Variants in ANKRD53 observed in about 807,000 individuals in gnomAD.
ANKRD53 encodes ankyrin repeat domain-containing protein 53.
Under a neutral mutation model 30.1 loss-of-function variants are expected in ANKRD53, and 27 were observed. That is an observed-to-expected ratio of 0.90 (90% CI 0.66 to 1.24). ANKRD53 has a LOEUF of 1.24. ANKRD53 is among the 50% of genes most tolerant of loss of function. ANKRD53 has a pLI of 0.00. For synonymous variants in ANKRD53, 286 were observed against 295.4 expected (o/e 0.97, Z 0.33); for missense variants, 682 against 721.0 (o/e 0.95, Z 0.62).
intron 1 of ANKRD53, 62 bp from the exon 2 acceptor site, chr2:70,979,035 C>T: frequency 6.7e-7 from 1 of 1,484,860 alleles, no homozygotes; most frequent in Non-Finnish European, 8.9e-7. Context: ...GGCCAGGGAT[C>T]GCCTCCCGAG....
At chr2:70,984,214 G>A (rs1553424187) in intron 5 of ANKRD53, 5 of 1,614,204 alleles carry the variant, frequency 3.1e-6, no homozygotes, top group South Asian at 1.1e-5. Context: ...CTATCAGACT[G>A]TGGATTCCTT....
chr2:70,983,853 A>G (rs549637944), intron 5 of ANKRD53, among the ~76,000 whole-genome samples: 2 of 152,324 alleles, frequency 1.3e-5, no homozygotes, highest in African/African-American at 4.8e-5. Flanking sequence ...GCTTAGCCCA[A>G]TCAGAGCCTG....
Position 70,979,676 on chromosome 2 carries a change from C to A in ANKRD53, c.433C>A (p.His145Asn). 6.2e-7 allele frequency: 1 copy of A among 1,613,770 alleles called. No individual in the cohort carries two copies. The highest frequency in any genetic ancestry group is 2.2e-5 in the East Asian group (1 of 44,858). ...PTDDKGFTAI[H>N]FAAQWGKLAC... ...AACCTCACAGGGCTTCACTGCCATC[C>A]ACTTCGCCGCCCAATGGGGCAAGCT... The change falls in exon 3 of 6, where the codon CAC (histidine) becomes AAC (asparagine). Residue 145 changes from histidine to asparagine, a missense_variant. Physicochemically the swap from His to Asn is moderately conservative, Grantham distance 68 (BLOSUM62 1). Coordinates refer to ENST00000360589, the MANE Select transcript of ANKRD53 (RefSeq NM_001115116.2).
At chr2:70,984,348 G>A in intron 5 of ANKRD53, 2 of 1,600,848 alleles carry the variant, frequency 1.2e-6, no homozygotes, top group African/African-American at 2.7e-5. Flanking sequence ...TCAGATTGGA[G>A]ATCCCCCCTT....
chr2:70,978,767 A>G lies in ANKRD53; in HGVS notation c.122A>G (p.Lys41Arg), dbSNP rs1295349220. 5.7e-6 allele frequency: 9 copies of G among 1,570,894 alleles called. No individual in the cohort carries two copies. The highest frequency in any genetic ancestry group is 7.8e-6 in the Non-Finnish European group (9 of 1,158,814). ...TPSGSMQQAN[K>R]VSLKATWTDA... ...AGTGGCTCCATGCAGCAGGCGAACA[A>G]AGTCTCCTTGAAGGCCACCTGGACT... Residue 41 changes from lysine to arginine, a missense_variant, in exon 1 of 6, where the codon AAA becomes AGA. Lys to Arg is a conservative substitution (Grantham distance 26, BLOSUM62 2). Coordinates refer to ENST00000360589, the MANE Select transcript of ANKRD53 (RefSeq NM_001115116.2). The surrounding 1 kb of genome is among the most constrained non-coding windows in gnomAD (Gnocchi z 4.3).
rs1553422835 is a variant in ANKRD53, at chr2:70,978,752, T to C, written c.107T>C (p.Met36Thr). The change falls in exon 1 of 6, where the codon ATG becomes ACG. Residue 36 changes from methionine to threonine, a missense_variant. Met to Thr is a moderately conservative substitution (Grantham distance 81, BLOSUM62 -1). Transcript: ENST00000360589. The surrounding 1 kb of genome is among the most constrained non-coding windows in gnomAD (Gnocchi z 4.3). ...CCGCAGCCAACTCCAAGTGGCTCCA[T>C]GCAGCAGGCGAACAAAGTCTCCTTG... is the stretch of plus-strand genomic sequence containing the variant. ...ARPQPTPSGS[M>T]QQANKVSLKA... The C allele has an allele frequency of 1.5e-5, 24 of 1,566,638 alleles. No homozygotes were observed. The highest frequency in any genetic ancestry group is 4.7e-5 in the South Asian group (4 of 85,128).
Position 70,982,325 on chromosome 2 carries a change from C to A in ANKRD53, c.782+225C>A. On this transcript the variant is annotated intron_variant, in intron 4 of 5. Transcript: ENST00000360589. The surrounding 1 kb of genome is among the most constrained non-coding windows in gnomAD (Gnocchi z 4.2). ...CCTGCTCTCTGGGTTGATCACTGCCCTCCTTTCCTGCCCTGGGGCCCCTGG... is the reference window on the plus strand; with the variant it reads ...CCTGCTCTCTGGGTTGATCACTGCCATCCTTTCCTGCCCTGGGGCCCCTGG... 2 of 732,926 alleles carry A rather than the reference C, an allele frequency of 2.7e-6. No individual in the cohort carries two copies. The highest frequency in any genetic ancestry group is 4.3e-6 in the Non-Finnish European group (2 of 464,992). The allele number at this position is 732,926 out of a possible 1,614,324, so 45.4% of individuals were successfully genotyped here.
chr2:70,982,629 A>G lies in ANKRD53; in HGVS notation c.835A>G (p.Met279Val). Residue 279 changes from methionine to valine, a missense_variant, in exon 5 of 6, where the codon ATG becomes GTG. By Grantham distance (21) the Met-to-Val change is conservative (BLOSUM62 1). Coordinates refer to ENST00000360589, the MANE Select transcript of ANKRD53 (RefSeq NM_001115116.2). This position sits in a 1 kb window ranked among gnomAD's most constrained non-coding sequence, Gnocchi z 4.2. ...GGACAAGAAGGACTTTGCCCGTGAG[A>G]TGACGAAAATGAAGATGTTCAAGAG... ...KKDKKDFARE[M>V]TKMKMFKSQL... is the part of the protein sequence containing the mutation. 6.2e-7 allele frequency: 1 copy of G among 1,614,154 alleles called. No homozygotes were observed. Among genetic ancestry groups the G allele is most frequent in the Non-Finnish European group, 8.5e-7 (1 of 1,180,014 alleles).
Position 70,978,980 on chromosome 2 carries a change from G to A in ANKRD53, c.171-117G>A. On this transcript the variant is annotated intron_variant, in intron 1 of 5. Transcript: ENST00000360589. This position sits in a 1 kb window ranked among gnomAD's most constrained non-coding sequence, Gnocchi z 4.3. ...GCCTCCCGAGAGGTGCCTAGGCCGTGGCCCAGAGTCGCTTCCCCACTGCCC... is the reference window on the plus strand; with the variant it reads ...GCCTCCCGAGAGGTGCCTAGGCCGTAGCCCAGAGTCGCTTCCCCACTGCCC... 1 of 1,449,364 alleles carries A rather than the reference G, an allele frequency of 6.9e-7. No homozygotes were observed. Among genetic ancestry groups the A allele is most frequent in the East Asian group, 2.5e-5 (1 of 39,770 alleles). The allele number at this position is 1,449,364 out of a possible 1,614,324, so 89.8% of individuals were successfully genotyped here.
chr2:70,982,341 G>C lies in ANKRD53; in HGVS notation c.783-236G>C. 2.7e-6 allele frequency: 2 copies of C among 748,884 alleles called. No homozygotes were observed. The highest frequency in any genetic ancestry group is 5.6e-5 in the East Asian group (2 of 35,974). 46.4% of individuals were successfully genotyped at this position (748,884 alleles called of 1,614,324 possible). A position where few individuals can be genotyped will look rare whatever the true frequency, so the allele number is the denominator to read the frequency against. On this transcript the variant is annotated intron_variant, in intron 4 of 5. Coordinates refer to ENST00000360589, the MANE Select transcript of ANKRD53 (RefSeq NM_001115116.2). This position sits in a 1 kb window ranked among gnomAD's most constrained non-coding sequence, Gnocchi z 4.2. ...ATCACTGCCCTCCTTTCCTGCCCTGGGGCCCCTGGCTCCTCAGCAGGAGGG... is the reference window on the plus strand; with the variant it reads ...ATCACTGCCCTCCTTTCCTGCCCTGCGGCCCCTGGCTCCTCAGCAGGAGGG...
Position 70,979,744 on chromosome 2 carries a change from G to C in ANKRD53, c.501G>C (p.Val167=). The C allele has an allele frequency of 6.2e-7, 1 of 1,614,240 alleles. No individual in the cohort carries two copies. Among genetic ancestry groups the C allele is most frequent in the Non-Finnish European group, 8.5e-7 (1 of 1,180,052 alleles). ...TGGTAGAGGAGTACAAGTTTCCCGT[G>C]GACCTGCTGACCAACAATAGCCAGA... ...QVLVEEYKFP[V]DLLTNNSQTP... Residue 167 remains valine (V), a synonymous_variant, in exon 3 of 6, where the codon GTG becomes GTC. Transcript: ENST00000360589.
Position 70,982,367 on chromosome 2 carries a change from T to A in ANKRD53, c.783-210T>A. On this transcript the variant is annotated intron_variant, in intron 4 of 5. Transcript: ENST00000360589. This position sits in a 1 kb window ranked among gnomAD's most constrained non-coding sequence, Gnocchi z 4.2. Reference sequence around the variant, plus strand: ...GGCCCCTGGCTCCTCAGCAGGAGGGTGGTGACCAGGTCATCAAGGACTTTC... The same window carrying A: ...GGCCCCTGGCTCCTCAGCAGGAGGGAGGTGACCAGGTCATCAAGGACTTTC... 1 of 770,130 alleles carries A rather than the reference T, an allele frequency of 1.3e-6. No individual in the cohort carries two copies. Among genetic ancestry groups the A allele is most frequent in the Non-Finnish European group, 2.0e-6 (1 of 496,946 alleles). The allele number at this position is 770,130 out of a possible 1,614,324, so 47.7% of individuals were successfully genotyped here.
intron 5 of ANKRD53, among the ~76,000 whole-genome samples, chr2:70,983,904 A>T (rs1670087772): frequency 6.6e-6 from 1 of 152,210 alleles, no homozygotes; most frequent in Admixed American, 6.5e-5. Flanking sequence ...CTGATTGCTT[A>T]GCAACAGTCT....
intron 3 of ANKRD53, among the ~76,000 whole-genome samples, chr2:70,980,335 A>G (rs1379094792): frequency 7.3e-5 from 11 of 150,620 alleles, no homozygotes; most frequent in African/African-American, 2.5e-4. Flanking sequence ...AAAAAAAAAA[A>G]AAAGATTGGC....
Position 70,983,743 on chromosome 2 carries a change from G to A in ANKRD53, c.904-868G>A, listed in dbSNP as rs140402276. 1.4e-4 allele frequency among the ~76,000 whole-genome samples: 22 copies of A among 152,142 alleles called. No individual in the cohort carries two copies. In the East Asian group the frequency reaches 3.1e-3, roughly 21 times the overall value. On this transcript the variant is annotated intron_variant, in intron 5 of 5. Transcript: ENST00000360589. ...CCCTCATCTCTTATGGCCTCAATTC[G>A]ATCAAGTGTCCATTCTCGTTCCTTT...
Position 70,984,903 on chromosome 2 carries a change from A to G in ANKRD53, c.1196A>G (p.Gln399Arg). The G allele has an allele frequency of 6.4e-7, 1 of 1,550,816 alleles. No individual in the cohort carries two copies. Among genetic ancestry groups the G allele is most frequent in the Non-Finnish European group, 8.7e-7 (1 of 1,146,992 alleles). ...AACCCCGCCAGACCCCCCACCACCC[A>G]GATCAGCCACTCGCAGGGCATCCGC... ...SNNPARPPTT[Q>R]ISHSQGIRLG... The change falls in exon 6 of 6, where the codon CAG becomes CGG. Residue 399 changes from glutamine (Q) to arginine (R), a missense_variant. Physicochemically the swap from Gln to Arg is conservative, Grantham distance 43. Transcript: ENST00000360589.
At chr2:70,980,088 G>C (rs1553423308) in intron 3 of ANKRD53, among the ~76,000 whole-genome samples, 1 of 152,224 alleles carries the variant, frequency 6.6e-6, no homozygotes, top group Admixed American at 6.5e-5. Context: ...GGCCGAGGCA[G>C]GCGGATCACC....
chr2:70,980,207 C>A (rs777969556), intron 3 of ANKRD53, among the ~76,000 whole-genome samples: 1 of 150,874 alleles, frequency 6.6e-6, no homozygotes, highest in Non-Finnish European at 1.5e-5. Flanking sequence ...CCCAGCTATT[C>A]GGGAGGCTGA....
chr2:70,983,870 G>A (rs1553424104), intron 5 of ANKRD53, among the ~76,000 whole-genome samples: 1 of 152,176 alleles, frequency 6.6e-6, no homozygotes, highest in East Asian at 1.9e-4. Flanking sequence ...CCTGTGCCTG[G>A]AGCTGGGTCA....
Sources: allele counts gnomAD v4.1 joint callset (sites outside exome capture counted in the v4.1 genomes callset), GRCh38; gene constraint gnomAD v4.1.1; non-coding constraint Gnocchi (gnomAD v3.1); transcripts MANE v1.5; gene names NCBI Gene and HGNC (gene_info 2026-07-23, HGNC 2026-07-21).